GRAMD1B: variants seen among roughly 807,000 people sequenced by gnomAD.
GRAMD1B encodes protein Aster-B.
Under a neutral mutation model 99.7 loss-of-function variants are expected in GRAMD1B, and 37 were observed. The ratio of observed to expected loss-of-function variants is 0.37; its 90% CI spans 0.29 to 0.49. The LOEUF is 0.49. Among genes scored for constraint, GRAMD1B ranks in the 20% least tolerant of loss-of-function variants. GRAMD1B has a pLI of 0.98. For synonymous variants in GRAMD1B, 427 were observed against 387.6 expected, an observed-to-expected ratio of 1.10 and a Z score of -1.19; for missense variants, 888 against 1,009.2, an observed-to-expected ratio of 0.88 and a Z score of 1.63.
rs1453377796 is a variant in GRAMD1B, at chr11:123,610,975, T to C, written c.1919+637T>C. Among the ~76,000 whole-genome samples, 1 of 152,200 alleles carries C rather than the reference T, an allele frequency of 6.6e-6. No individual in the cohort carries two copies. Among genetic ancestry groups the C allele is most frequent in the Non-Finnish European group, 1.5e-5 (1 of 68,036 alleles). ...TTTAGACCCTGACATTTTAAGAAAC[T>C]TGTAGTCTAATTGAAAAGGCAAGAC... On this transcript the variant is annotated intron_variant, in intron 14 of 19. Transcript: ENST00000635736. The surrounding 1 kb of genome is among the most constrained non-coding windows in gnomAD (Gnocchi z 4.1).
At chr11:123,467,394 C>CATTT (rs1950737029) in intron 1 of GRAMD1B, among the ~76,000 whole-genome samples, 1 of 103,342 alleles carries the variant, frequency 9.7e-6, no homozygotes, top group Non-Finnish European at 1.8e-5. Context: ...TTTTCAACAC[C>CATTT]TTTTTTTTTT....
At chr11:123,545,410 C>T (rs1944951415) in intron 2 of GRAMD1B, among the ~76,000 whole-genome samples, 1 of 152,224 alleles carries the variant, frequency 6.6e-6, no homozygotes, top group Non-Finnish European at 1.5e-5. Context: ...GATTCCCAAA[C>T]CTGGCTAGTC....
At chr11:123,555,389 C>T (rs1946075702) in intron 2 of GRAMD1B, among the ~76,000 whole-genome samples, 1 of 152,164 alleles carries the variant, frequency 6.6e-6, no homozygotes, top group Non-Finnish European at 1.5e-5. Context: ...CACTCTGTCA[C>T]CGAGGCTGGG....
chr11:123,391,304 A>T (rs1433787778), intron 1 of GRAMD1B, among the ~76,000 whole-genome samples: 1 of 151,906 alleles, frequency 6.6e-6, no homozygotes, highest in Non-Finnish European at 1.5e-5. Context: ...TCTTTCTCTC[A>T]CCATTAGTGT....
chr11:123,606,466 G>T (rs1159345549), intron 10 of GRAMD1B, 143 bp from the exon 11 acceptor site: 1 of 690,476 alleles, frequency 1.4e-6, no homozygotes, highest in Non-Finnish European at 2.4e-6. Flanking sequence ...CTGGGGAAGG[G>T]CTTTGGAGCC....
chr11:123,423,530 C>T (rs1044029190), intron 1 of GRAMD1B, among the ~76,000 whole-genome samples: 1 of 152,164 alleles, frequency 6.6e-6, no homozygotes. Flanking sequence ...AATCTTGCAG[C>T]TTCCATTAAT....
At chr11:123,584,942 C>A (rs748533959) in intron 4 of GRAMD1B, among the ~76,000 whole-genome samples, 18 of 152,150 alleles carry the variant, frequency 1.2e-4, no homozygotes, top group Non-Finnish European at 2.5e-4. Flanking sequence ...GGTAAGCAGG[C>A]CTGGCAGAGG....
At chr11:123,450,021 ACC>A (rs1254781858) in intron 1 of GRAMD1B, among the ~76,000 whole-genome samples, 16 of 152,208 alleles carry the variant, frequency 1.1e-4, no homozygotes, top group African/African-American at 3.6e-4. Context: ...CCACACCTGA[ACC>A]AGAGACTGCC....
At chr11:123,385,929 A>G (rs377550819) in intron 1 of GRAMD1B, among the ~76,000 whole-genome samples, 1 of 152,146 alleles carries the variant, frequency 6.6e-6, no homozygotes, top group South Asian at 2.1e-4. Context: ...AGGCCTCATA[A>G]TTATGCTTTG....
intron 1 of GRAMD1B, among the ~76,000 whole-genome samples, chr11:123,461,409 G>T (rs1004099403): frequency 4.6e-5 from 7 of 152,178 alleles, no homozygotes; most frequent in African/African-American, 1.7e-4. Context: ...AAATGAGGTG[G>T]TGCTGGCCTC....
intron 1 of GRAMD1B, among the ~76,000 whole-genome samples, chr11:123,366,407 A>G (rs1946322586): frequency 6.6e-6 from 1 of 152,246 alleles, no homozygotes. Flanking sequence ...TTTTTCCCAA[A>G]GTATAATTCT....
chr11:123,420,503 G>T (rs547157206), intron 1 of GRAMD1B, among the ~76,000 whole-genome samples: 21 of 152,246 alleles, frequency 1.4e-4, no homozygotes, highest in Admixed American at 1.1e-3. Flanking sequence ...CTAAATATTT[G>T]GGATAGTGCA....
intron 15 of GRAMD1B, 138 bp from the exon 16 acceptor site, chr11:123,613,317 T>G (rs1011582047): frequency 1.0e-4 from 66 of 650,238 alleles, no homozygotes; most frequent in Admixed American, 5.2e-4. Context: ...AAGTACCTCC[T>G]GAGGCTCATG....
At chr11:123,457,748 A>ACT (rs1483182432) in intron 1 of GRAMD1B, among the ~76,000 whole-genome samples, 1 of 151,986 alleles carries the variant, frequency 6.6e-6, no homozygotes, top group African/African-American at 2.4e-5. Flanking sequence ...ATGGGGTCTC[A>ACT]CTCTATCGCC....
intron 2 of GRAMD1B, among the ~76,000 whole-genome samples, chr11:123,552,983 A>G (rs1945776548): frequency 6.6e-6 from 1 of 152,258 alleles, no homozygotes; most frequent in South Asian, 2.1e-4. Flanking sequence ...TTTAGATACT[A>G]AATTACTAGA....
At chr11:123,579,635 G>C (rs562202014) in intron 3 of GRAMD1B, among the ~76,000 whole-genome samples, 1 of 152,254 alleles carries the variant, frequency 6.6e-6, no homozygotes, top group South Asian at 2.1e-4. Context: ...TGTGGGACTA[G>C]TGGGTGCTCG....
intron 1 of GRAMD1B, among the ~76,000 whole-genome samples, chr11:123,444,323 CCA>C (rs1403512362): frequency 6.6e-6 from 1 of 152,070 alleles, no homozygotes; most frequent in African/African-American, 2.4e-5. Context: ...GTCTGTTTTG[CCA>C]CTCTTAAGAT....
intron 2 of GRAMD1B, among the ~76,000 whole-genome samples, chr11:123,519,669 C>T (rs1013737189): frequency 1.3e-5 from 2 of 152,200 alleles, no homozygotes; most frequent in Non-Finnish European, 2.9e-5. Context: ...CTGCTGCACT[C>T]CTGCTCCTGG....
intron 2 of GRAMD1B, among the ~76,000 whole-genome samples, chr11:123,567,749 A>G (rs972095452): frequency 5.9e-5 from 9 of 152,316 alleles, no homozygotes; most frequent in African/African-American, 2.2e-4. Flanking sequence ...GACTCCAGCC[A>G]TGGTGATGAA....
Sources: gnomAD v4.1 joint callset for allele counts (sites outside exome capture counted in the v4.1 genomes callset) on GRCh38, gnomAD v4.1.1 for gene constraint, Gnocchi (gnomAD v3.1) non-coding constraint, MANE v1.5 for transcripts, NCBI Gene and HGNC (gene_info 2026-07-23, HGNC 2026-07-21) for gene names.